Variants in SLC30A8 observed in about 807,000 individuals in gnomAD.
SLC30A8 encodes solute carrier family 30 member 8, also known as proton-coupled zinc antiporter SLC30A8.
In SLC30A8, 27 loss-of-function variants were observed where a neutral mutation model predicts 36.9. The ratio of observed to expected loss-of-function variants is 0.73; its 90% CI spans 0.54 to 1.01. The LOEUF (loss-of-function observed/expected upper bound fraction) is 1.01, where lower values mean the gene tolerates loss of function less well. SLC30A8 is among the 50% of genes least tolerant of loss of function. The pLI is 0.00. For missense variants in SLC30A8, 439 were observed against 452.0 expected, an observed-to-expected ratio of 0.97 and a Z score of 0.26; for synonymous variants, 164 against 172.4, an observed-to-expected ratio of 0.95 and a Z score of 0.38.
intron 1 of SLC30A8, among the ~76,000 whole-genome samples, chr8:116,974,909 CATT>C (rs1026340309): frequency 6.6e-6 from 1 of 151,620 alleles, no homozygotes; most frequent in African/African-American, 2.4e-5. Flanking sequence ...AGCTGGAAAC[CATT>C]ATTCTGCACA....
chr8:117,054,135 G>A (rs1469612441), intron 2 of SLC30A8, among the ~76,000 whole-genome samples: 2 of 122,480 alleles, frequency 1.6e-5, no homozygotes, highest in African/African-American at 6.6e-5. Context: ...GCCTTGCTCT[G>A]TCTCCTAGGC....
In SLC30A8 at chr8:117,135,347, C is replaced by A. The variant is rs755057304; in HGVS notation, c.20C>A (p.Thr7Lys). 5.6e-6 allele frequency: 9 copies of A among 1,598,238 alleles called. No individual in the cohort carries two copies. In the African/African-American group the frequency reaches 1.1e-4, roughly 19 times the overall value. The change falls in exon 1 of 8, where the codon ACG becomes AAG. Residue 7 changes from threonine (T) to lysine (K), a missense_variant. By Grantham distance (78) the Thr-to-Lys change is moderately conservative. Transcript: ENST00000456015. Reference protein sequence around the residue: MEFLERTYLVNDKAAKM... With the variant: MEFLERKYLVNDKAAKM... Reference sequence around the variant, plus strand: ...GCCGTCATGGAGTTTCTTGAAAGAACGTATCTTGTGAATGATAAAGCTGCC... The same window carrying A: ...GCCGTCATGGAGTTTCTTGAAAGAAAGTATCTTGTGAATGATAAAGCTGCC...
rs554358094 is a variant in SLC30A8, at chr8:117,159,135, A to G, written c.572+1291A>G. Among the ~76,000 whole-genome samples, 4 of 152,334 alleles carry G rather than the reference A, an allele frequency of 2.6e-5. No individual in the cohort carries two copies. The South Asian group carries it at 8.3e-4, about 32-fold the overall frequency. On this transcript the variant is annotated intron_variant, in intron 4 of 7. Coordinates refer to ENST00000456015, the MANE Select transcript of SLC30A8 (RefSeq NM_173851.3). ...TTTCCTTCTAGAACCTCCACAAAGG[A>G]TGCAGTCCTAGAGACCCACTTTAGA...
intron 2 of SLC30A8, among the ~76,000 whole-genome samples, chr8:117,063,963 C>T (rs1225339064): frequency 6.6e-6 from 1 of 152,038 alleles, no homozygotes; most frequent in Non-Finnish European, 1.5e-5. Flanking sequence ...GCTCCTTTCA[C>T]TCTCACACCA....
At chr8:117,007,907 A>G (rs1816233351) in intron 1 of SLC30A8, among the ~76,000 whole-genome samples, 1 of 152,244 alleles carries the variant, frequency 6.6e-6, no homozygotes, top group African/African-American at 2.4e-5. Flanking sequence ...ACACAAATAT[A>G]CAAATTAAAC....
At chr8:117,012,560 T>A (rs1816377316) in intron 1 of SLC30A8, among the ~76,000 whole-genome samples, 1 of 151,928 alleles carries the variant, frequency 6.6e-6, no homozygotes, top group Non-Finnish European at 1.5e-5. Context: ...AAGAGCACAG[T>A]AGGATGTGTG....
chr8:116,992,954 G>C (rs914970619), intron 1 of SLC30A8, among the ~76,000 whole-genome samples: 1 of 144,092 alleles, frequency 6.9e-6, no homozygotes, highest in East Asian at 2.1e-4. Flanking sequence ...GCAGAGAATC[G>C]TGGCCATGTC....
At chr8:117,172,473 G>A in intron 7 of SLC30A8, 63 bp from the exon 8 acceptor site, 1 of 1,609,966 alleles carries the variant, frequency 6.2e-7, no homozygotes, top group Non-Finnish European at 8.5e-7. Flanking sequence ...TGAAGTTGGA[G>A]TCAGAGCAGT....
chr8:117,046,589 T>C (rs908652530), intron 2 of SLC30A8, among the ~76,000 whole-genome samples: 3 of 152,238 alleles, frequency 2.0e-5, no homozygotes, highest in Non-Finnish European at 4.4e-5. Flanking sequence ...ATTGAATGCC[T>C]GATCAGACCT....
At chr8:117,149,141 G>A (rs962123421) in intron 2 of SLC30A8, among the ~76,000 whole-genome samples, 1 of 152,164 alleles carries the variant, frequency 6.6e-6, no homozygotes, top group African/African-American at 2.4e-5. Context: ...TTCTTGAAGG[G>A]TTAAGTGTTT....
At chr8:116,983,558 T>A (rs967863616) in intron 1 of SLC30A8, among the ~76,000 whole-genome samples, 1 of 152,174 alleles carries the variant, frequency 6.6e-6, no homozygotes, top group African/African-American at 2.4e-5. Context: ...TTCATAGACT[T>A]TCATGCTTTG....
intron 2 of SLC30A8, among the ~76,000 whole-genome samples, chr8:117,074,930 A>G (rs1314581080): frequency 6.6e-6 from 1 of 152,210 alleles, no homozygotes; most frequent in Non-Finnish European, 1.5e-5. Context: ...AACAAACGGT[A>G]CATGATTTAC....
chr8:117,080,958 A>G (rs982396241), intron 2 of SLC30A8, among the ~76,000 whole-genome samples: 1 of 152,162 alleles, frequency 6.6e-6, no homozygotes, highest in African/African-American at 2.4e-5. Context: ...AAATTTTGTG[A>G]TGGTCTGTTT....
chr8:117,070,752 C>CGA (rs1212894276), intron 2 of SLC30A8, among the ~76,000 whole-genome samples: 1 of 152,162 alleles, frequency 6.6e-6, no homozygotes, highest in Non-Finnish European at 1.5e-5. Flanking sequence ...TCACACTTCC[C>CGA]CAGCCTCATG....
At chr8:116,956,858 T>C (rs1264692396) in intron 1 of SLC30A8, among the ~76,000 whole-genome samples, 5 of 152,204 alleles carry the variant, frequency 3.3e-5, no homozygotes, top group Non-Finnish European at 7.3e-5. Flanking sequence ...GAATTACAAA[T>C]GACTGGTACC....
chr8:117,171,920 G>A lies in SLC30A8; in HGVS notation c.965-616G>A, dbSNP rs534718884. Among the ~76,000 whole-genome samples, 10 of 152,164 alleles carry A rather than the reference G, an allele frequency of 6.6e-5. No homozygotes were observed. In the South Asian group the frequency reaches 1.4e-3, roughly 22 times the overall value. On this transcript the variant is annotated intron_variant, in intron 7 of 7. Transcript: ENST00000456015. ...TGAAAACTGTGCTTTCTCAGACATC[G>A]TCATCTTCTCGAAGGGGCTTAGGTC...
chr8:117,167,940 C>T (rs941487832), intron 6 of SLC30A8, among the ~76,000 whole-genome samples: 1 of 152,086 alleles, frequency 6.6e-6, no homozygotes, highest in Admixed American at 6.6e-5. Context: ...GGAGGCCTCA[C>T]AATCATGGCA....
intron 2 of SLC30A8, among the ~76,000 whole-genome samples, chr8:117,065,985 C>T (rs1429986083): frequency 6.6e-6 from 1 of 152,112 alleles, no homozygotes; most frequent in Non-Finnish European, 1.5e-5. Flanking sequence ...CCCATGGCCC[C>T]ATTCTGTATT....
At chr8:116,957,561 A>G (rs190623365) in intron 1 of SLC30A8, among the ~76,000 whole-genome samples, 32 of 152,178 alleles carry the variant, frequency 2.1e-4, no homozygotes, top group Admixed American at 3.3e-4. Flanking sequence ...GTGAGCCACC[A>G]TGCCCTGCCT....
Sources: allele counts gnomAD v4.1 joint callset (sites outside exome capture counted in the v4.1 genomes callset), GRCh38; gene constraint gnomAD v4.1.1; transcripts MANE v1.5; gene names NCBI Gene and HGNC (gene_info 2026-07-23, HGNC 2026-07-21).